RNF216: variants seen among roughly 807,000 people sequenced by gnomAD.
The protein encoded by RNF216 is E3 ubiquitin-protein ligase RNF216.
Under a neutral mutation model 110.8 loss-of-function variants are expected in RNF216, and 72 were observed. The observed-to-expected ratio is 0.65, with a 90% confidence interval of 0.54 to 0.79. RNF216 has a LOEUF of 0.79. Among genes scored for constraint, RNF216 ranks in the 30% least tolerant of loss-of-function variants. RNF216 has a pLI of 0.00. For synonymous variants in RNF216, 495 were observed against 407.5 expected, an observed-to-expected ratio of 1.21 and a Z score of -2.59; for missense variants, 1,342 against 1,141.2, an observed-to-expected ratio of 1.18 and a Z score of -2.54.
intron 3 of RNF216, among the ~76,000 whole-genome samples, chr7:5,748,076 T>A (rs1316444156): frequency 6.6e-6 from 1 of 152,166 alleles, no homozygotes. Flanking sequence ...ATAGGCGGTA[T>A]CAGGCAAATA....
intron 13 of RNF216, among the ~76,000 whole-genome samples, chr7:5,703,236 C>T (rs952537281): frequency 2.0e-5 from 3 of 152,208 alleles, no homozygotes; most frequent in Admixed American, 6.5e-5. Flanking sequence ...CTTGTCAACG[C>T]TACTTCCTGA....
intron 1 of RNF216, among the ~76,000 whole-genome samples, chr7:5,775,798 T>C (rs545152464): frequency 1.3e-5 from 2 of 150,562 alleles, no homozygotes; most frequent in South Asian, 4.2e-4. Context: ...GAACCCGGGA[T>C]GCAAAGCTTG....
intron 14 of RNF216, chr7:5,649,653 G>C (rs1208772520): frequency 6.6e-6 from 1 of 151,898 alleles, no homozygotes; most frequent in African/African-American, 2.4e-5. Context: ...ATTCCTTTGG[G>C]CATCTTCTAG....
intron 15 of RNF216, among the ~76,000 whole-genome samples, chr7:5,639,338 A>T (rs113336701): frequency 9.2e-5 from 14 of 152,306 alleles, no homozygotes; most frequent in African/African-American, 3.4e-4. Flanking sequence ...CCCAGATAAG[A>T]GCTGCTAGCC....
At chr7:5,661,571 G>A (rs899686563) in intron 13 of RNF216, among the ~76,000 whole-genome samples, 2 of 152,194 alleles carry the variant, frequency 1.3e-5, no homozygotes, top group Non-Finnish European at 2.9e-5. Flanking sequence ...GGGAGGCCGA[G>A]TAGGGTGGAT....
intron 13 of RNF216, among the ~76,000 whole-genome samples, chr7:5,678,810 C>A (rs1790471497): frequency 6.6e-6 from 1 of 152,224 alleles, no homozygotes; most frequent in Non-Finnish European, 1.5e-5. Flanking sequence ...CTCGACTCCA[C>A]TTCATCAGGG....
intron 5 of RNF216, among the ~76,000 whole-genome samples, chr7:5,735,671 G>C (rs1010772489): frequency 3.3e-5 from 5 of 152,190 alleles, no homozygotes; most frequent in African/African-American, 1.2e-4. Context: ...GATTGTGGGA[G>C]AAGAGTTACA....
At position 5,641,316 on chromosome 7, in the gene RNF216, G is replaced by A. The variant is rs1368806424; in HGVS notation, c.2220C>T (p.Ile740=). 1 of 1,614,160 alleles carries A rather than the reference G, an allele frequency of 6.2e-7. No individual in the cohort carries two copies. Among genetic ancestry groups the A allele is most frequent in the Admixed American group, 1.7e-5 (1 of 60,014 alleles). Residue 740 remains isoleucine (I), a synonymous_variant, in exon 15 of 17, where the codon ATC becomes ATT. Coordinates refer to ENST00000389902, the MANE Select transcript of RNF216 (RefSeq NM_207111.4). ...RKCHKCGTGL[I]KSEGCNRMSC... is the part of the protein sequence containing the mutation. ...ACATGCGGTTGCAGCCTTCAGATTT[G>A]ATGAGGCCAGTCCCACACTTGTGGC... is the stretch of plus-strand genomic sequence containing the variant.
intron 5 of RNF216, among the ~76,000 whole-genome samples, chr7:5,737,027 C>A (rs1386319210): frequency 2.6e-5 from 4 of 152,216 alleles, no homozygotes; most frequent in Non-Finnish European, 4.4e-5. Flanking sequence ...GAGGTGTTCC[C>A]AACAGCTTAT....
At chr7:5,728,713 T>C (rs1464234647) in intron 7 of RNF216, among the ~76,000 whole-genome samples, 1 of 152,154 alleles carries the variant, frequency 6.6e-6, no homozygotes, top group African/African-American at 2.4e-5. Context: ...CTACGATAAC[T>C]CCACGTTTGT....
intron 13 of RNF216, 30 bp from the exon 14 acceptor site, chr7:5,652,540 C>T (rs773603934): frequency 1.4e-6 from 2 of 1,476,588 alleles, no homozygotes; most frequent in Non-Finnish European, 1.9e-6. Context: ...ACAAAGACAA[C>T]TCCTGGTGAG....
chr7:5,689,976 C>T (rs1584457598), intron 13 of RNF216, among the ~76,000 whole-genome samples: 1 of 151,024 alleles, frequency 6.6e-6, no homozygotes, highest in African/African-American at 2.4e-5. Flanking sequence ...AAGAGGAGGG[C>T]AGGTAACCCC....
intron 15 of RNF216, among the ~76,000 whole-genome samples, chr7:5,629,086 C>A (rs1044791338): frequency 3.3e-5 from 5 of 151,380 alleles, no homozygotes; most frequent in Non-Finnish European, 7.4e-5. Flanking sequence ...GTAATCCCAG[C>A]TACTCTGGAA....
chr7:5,740,613 A>G (rs935220441), intron 4 of RNF216, among the ~76,000 whole-genome samples: 1 of 152,216 alleles, frequency 6.6e-6, no homozygotes, highest in African/African-American at 2.4e-5. Context: ...AGGAGCTAGT[A>G]AGTGCCATAT....
intron 2 of RNF216, among the ~76,000 whole-genome samples, chr7:5,755,777 T>G (rs1461196066): frequency 3.3e-5 from 5 of 152,190 alleles, no homozygotes; most frequent in Admixed American, 3.3e-4. Flanking sequence ...AAGTCTTTGG[T>G]GTACTCATTT....
At chr7:5,658,300 A>C (rs964450114) in intron 13 of RNF216, among the ~76,000 whole-genome samples, 28 of 152,334 alleles carry the variant, frequency 1.8e-4, no homozygotes, top group Non-Finnish European at 1.3e-4. Flanking sequence ...AAACATTCCA[A>C]CAATGAAACA....
intron 15 of RNF216, among the ~76,000 whole-genome samples, chr7:5,639,408 CTTTT>C (rs34929591): frequency 6.6e-6 from 1 of 150,970 alleles, no homozygotes; most frequent in Admixed American, 6.6e-5. Context: ...TTCTGTTTTC[CTTTT>C]TTTTTGAGAA....
intron 9 of RNF216, among the ~76,000 whole-genome samples, chr7:5,720,768 C>T (rs1013740952): frequency 2.6e-5 from 4 of 152,040 alleles, no homozygotes; most frequent in Admixed American, 6.6e-5. Flanking sequence ...AATTAAAGAG[C>T]GAAATGGAAC....
chr7:5,698,503 C>T (rs1285425761), intron 13 of RNF216, among the ~76,000 whole-genome samples: 2 of 152,092 alleles, frequency 1.3e-5, no homozygotes, highest in Non-Finnish European at 2.9e-5. Flanking sequence ...GATCTTCCCG[C>T]CTCAGCCTCC....
Sources: allele counts gnomAD v4.1 joint callset (sites outside exome capture counted in the v4.1 genomes callset), GRCh38; gene constraint gnomAD v4.1.1; transcripts MANE v1.5; gene names NCBI Gene and HGNC (gene_info 2026-07-23, HGNC 2026-07-21).